FNBP1: variants seen among roughly 807,000 people sequenced by gnomAD.
The protein encoded by FNBP1 is formin binding protein 1, also known as formin-binding protein 1.
FNBP1 carries 26 observed loss-of-function variants against 90.6 expected under a neutral mutation model. The ratio of observed to expected loss-of-function variants is 0.29; its 90% confidence interval spans 0.21 to 0.40. The LOEUF is 0.40. Among genes scored for constraint, FNBP1 ranks in the 10% least tolerant of loss-of-function variants. The probability of loss-of-function intolerance (pLI) is 1.00; values close to 1 mark genes in which losing one functional copy is unlikely to be tolerated. For synonymous variants in FNBP1, 260 were observed against 265.2 expected (o/e 0.98, Z 0.19); for missense variants, 635 against 768.0 (o/e 0.83, Z 2.05).
upstream of FNBP1, among the ~76,000 whole-genome samples, chr9:130,047,189 A>T (rs868182845): frequency 5.3e-4 from 81 of 152,290 alleles, no homozygotes; most frequent in African/African-American, 1.7e-3. Flanking sequence ...TCTAAAAAAA[A>T]ATAAAAATTA....
chr9:129,932,553 T>C (rs2042923781), intron 6 of FNBP1, among the ~76,000 whole-genome samples: 1 of 152,180 alleles, frequency 6.6e-6, no homozygotes, highest in Non-Finnish European at 1.5e-5. Flanking sequence ...CAAATGAAGG[T>C]AACAATATCA....
At chr9:130,018,715 T>C (rs977427089) in intron 1 of FNBP1, among the ~76,000 whole-genome samples, 4 of 152,128 alleles carry the variant, frequency 2.6e-5, no homozygotes, top group African/African-American at 4.8e-5. Flanking sequence ...AGTGCTGAGA[T>C]TGCAGACATG....
intron 12 of FNBP1, among the ~76,000 whole-genome samples, chr9:129,907,571 A>T (rs2131495622): frequency 6.9e-6 from 1 of 144,266 alleles, no homozygotes; most frequent in African/African-American, 2.7e-5. Flanking sequence ...AGCTCTTGCT[A>T]GGAGTGAGGG....
chr9:129,925,400 G>C (rs2041728364), intron 8 of FNBP1, among the ~76,000 whole-genome samples: 1 of 151,536 alleles, frequency 6.6e-6, no homozygotes, highest in South Asian at 2.1e-4. Flanking sequence ...CAGCTACTCA[G>C]GAGGCTGAGG....
At chr9:130,009,253 C>G (rs1376136349) in intron 1 of FNBP1, among the ~76,000 whole-genome samples, 1 of 152,190 alleles carries the variant, frequency 6.6e-6, no homozygotes. Flanking sequence ...TAGGTGATGT[C>G]CCTTTCTAAG....
chr9:129,925,881 A>C (rs2041831469), intron 8 of FNBP1, among the ~76,000 whole-genome samples: 1 of 151,832 alleles, frequency 6.6e-6, no homozygotes, highest in Admixed American at 6.6e-5. Context: ...GGCTTGAGTC[A>C]CCACAGCTGG....
intron 1 of FNBP1, among the ~76,000 whole-genome samples, chr9:129,998,029 C>T (rs949943748): frequency 6.7e-6 from 1 of 150,082 alleles, no homozygotes; most frequent in African/African-American, 2.5e-5. Context: ...AACCTCATCT[C>T]TACTAAAAAT....
At chr9:129,955,286 T>TGCA (rs2046760867) in intron 6 of FNBP1, among the ~76,000 whole-genome samples, 1 of 151,344 alleles carries the variant, frequency 6.6e-6, no homozygotes, top group Admixed American at 6.6e-5. Context: ...CAGGCTGGAG[T>TGCA]GCAGCAGCAG....
chr9:130,032,926 T>C (rs550785383), intron 1 of FNBP1, among the ~76,000 whole-genome samples: 1 of 152,292 alleles, frequency 6.6e-6, no homozygotes, highest in East Asian at 1.9e-4. Flanking sequence ...GAAATCCAGA[T>C]TTCCTGTCCA....
At chr9:129,948,099 G>A (rs900910044) in intron 6 of FNBP1, among the ~76,000 whole-genome samples, 1 of 151,490 alleles carries the variant, frequency 6.6e-6, no homozygotes, top group Non-Finnish European at 1.5e-5. Context: ...GACCAGCCTG[G>A]GAACACATAG....
intron 11 of FNBP1, among the ~76,000 whole-genome samples, chr9:129,913,229 A>C (rs1051719371): frequency 6.6e-6 from 1 of 151,876 alleles, no homozygotes; most frequent in African/African-American, 2.4e-5. Flanking sequence ...AAAAACAAAA[A>C]ACTCAATAGC....
intron 11 of FNBP1, among the ~76,000 whole-genome samples, chr9:129,911,089 C>T (rs141133233): frequency 1.3e-5 from 2 of 152,256 alleles, no homozygotes; most frequent in East Asian, 1.9e-4. Context: ...CTCGAACTCC[C>T]GACCTCAGGC....
At chr9:130,013,170 G>A (rs562468018) in intron 1 of FNBP1, among the ~76,000 whole-genome samples, 1 of 152,014 alleles carries the variant, frequency 6.6e-6, no homozygotes, top group African/African-American at 2.4e-5. Context: ...TTAAGAGACA[G>A]GATATCACTA....
intron 2 of FNBP1, among the ~76,000 whole-genome samples, chr9:129,983,866 C>A (rs1344907411): frequency 6.6e-6 from 1 of 152,070 alleles, no homozygotes; most frequent in Admixed American, 6.6e-5. Context: ...AATGAACAAG[C>A]AAATAAACCA....
At chr9:130,021,693 C>T (rs571155205) in intron 1 of FNBP1, among the ~76,000 whole-genome samples, 1 of 152,024 alleles carries the variant, frequency 6.6e-6, no homozygotes, top group Admixed American at 6.6e-5. Context: ...CAAAAAAAAA[C>T]ACAGCAATCT....
intron 10 of FNBP1, chr9:129,919,276 A>G: frequency 9.1e-7 from 1 of 1,097,112 alleles, no homozygotes; most frequent in Non-Finnish European, 1.2e-6. Flanking sequence ...AAGATAAAAT[A>G]AATAAAATTA....
rs150191607 is a variant in FNBP1 at position 129,932,892 on chromosome 9, G to A, written c.514-3197C>T. Among the ~76,000 whole-genome samples the A allele has an allele frequency of 3.4e-4, 52 of 151,960 alleles. No individual in the cohort carries two copies. In the East Asian group the frequency reaches 7.9e-3, roughly 23 times the overall value. ...CCTACATGCATTCCATCTGTTCCCC[G>A]AGCCCGTCCAGCACAAATGCCCTAT... On this transcript the variant is annotated intron_variant, in intron 6 of 16. Coordinates refer to ENST00000446176, the MANE Select transcript of FNBP1 (RefSeq NM_015033.3).
intron 11 of FNBP1, among the ~76,000 whole-genome samples, chr9:129,914,586 T>G (rs2039919337): frequency 6.6e-6 from 1 of 151,912 alleles, no homozygotes; most frequent in Admixed American, 6.6e-5. Flanking sequence ...TTTAAGTATC[T>G]AGATCTCTTT....
chr9:130,005,062 C>CAAAAAAA (rs573686773), intron 1 of FNBP1, among the ~76,000 whole-genome samples: 1 of 92,840 alleles, frequency 1.1e-5, no homozygotes, highest in African/African-American at 4.3e-5. Flanking sequence ...AAGACTGTCT[C>CAAAAAAA]AAAAAAAAAA....
Sources: allele counts gnomAD v4.1 joint callset (sites outside exome capture counted in the v4.1 genomes callset), GRCh38; gene constraint gnomAD v4.1.1; transcripts MANE v1.5; gene names NCBI Gene and HGNC (gene_info 2026-07-23, HGNC 2026-07-21).